Variants in SLC26A2 observed in about 807,000 individuals in gnomAD.
SLC26A2 encodes the protein sulfate transporter.
SLC26A2 carries 36 observed loss-of-function variants against 41.1 expected under a neutral mutation model. The ratio of observed to expected loss-of-function variants is 0.88; its 90% CI spans 0.67 to 1.16. SLC26A2 has a LOEUF of 1.16. Ranked by LOEUF, SLC26A2 falls within the 50% of genes most tolerant of loss-of-function variation. SLC26A2 has a pLI of 0.00. For missense variants in SLC26A2, 796 were observed against 869.6 expected (o/e 0.92, Z 1.07); for synonymous variants, 291 against 311.6 (o/e 0.93, Z 0.70).
Position 149,980,471 on chromosome 5 carries a change from T to C in SLC26A2, c.878T>C (p.Val293Ala), listed in dbSNP as rs1755075752. 1.2e-6 allele frequency: 2 copies of C among 1,614,038 alleles called. No homozygotes were observed. Among genetic ancestry groups the C allele is most frequent in the Non-Finnish European group, 1.7e-6 (2 of 1,180,030 alleles). ...VGSLITTWIH[V>A]FRNIHKTNLC... Reference sequence around the variant, plus strand: ...TCACTCATCACTACCTGGATACATGTCTTCAGAAACATCCATAAGACCAAT... The same window carrying C: ...TCACTCATCACTACCTGGATACATGCCTTCAGAAACATCCATAAGACCAAT... The change falls in exon 3 of 3, where the codon GTC (valine) becomes GCC (alanine). Residue 293 changes from valine to alanine, a missense_variant. Physicochemically the swap from Val to Ala is moderately conservative, Grantham distance 64. Transcript: ENST00000286298.
chr5:149,974,269 G>C (rs1167967970), intron 1 of SLC26A2, among the ~76,000 whole-genome samples: 1 of 151,962 alleles, frequency 6.6e-6, no homozygotes, highest in African/African-American at 2.4e-5. Flanking sequence ...AGTAATATAT[G>C]TTTTTTCTTT....
In SLC26A2 at chr5:149,982,001, C is replaced by A; in HGVS notation, c.*188C>A. Reference sequence around the variant, plus strand: ...AGCAGAGCTTGTAGCTGGACAGAGTCAAAAAGAAGAAAATACGGTTTCAGG... The same window carrying A: ...AGCAGAGCTTGTAGCTGGACAGAGTAAAAAAGAAGAAAATACGGTTTCAGG... On this transcript the variant is annotated 3_prime_UTR_variant, in exon 3 of 3. Coordinates refer to ENST00000286298, the MANE Select transcript of SLC26A2 (RefSeq NM_000112.4). 1.7e-6 allele frequency: 1 copy of A among 584,902 alleles called. No individual in the cohort carries two copies. The highest frequency in any genetic ancestry group is 2.2e-5 in the South Asian group (1 of 45,750). 36.2% of individuals were successfully genotyped at this position (584,902 alleles called of 1,614,324 possible).
At position 149,984,762 on chromosome 5, in the gene SLC26A2, T is replaced by C. The variant is rs1755166565; in HGVS notation, c.*2949T>C. 6.6e-6 allele frequency: 1 copy of C among 152,270 alleles called. No individual in the cohort carries two copies. The highest frequency in any genetic ancestry group is 1.9e-4 in the East Asian group (1 of 5,206). 9.4% of individuals were successfully genotyped at this position (152,270 alleles called of 1,614,324 possible). On this transcript the variant is annotated 3_prime_UTR_variant, in exon 3 of 3. Transcript: ENST00000286298. ...TAAACACTATATTGATACAAAAATATCTTGCTTACTCTAAACTTTAGAGTC... is the reference window on the plus strand; with the variant it reads ...TAAACACTATATTGATACAAAAATACCTTGCTTACTCTAAACTTTAGAGTC...
At chr5:149,978,417 C>T (rs966754925) in intron 2 of SLC26A2, 66 bp downstream of exon 2, 38 of 1,200,434 alleles carry the variant, frequency 3.2e-5, no homozygotes, top group Non-Finnish European at 4.4e-5. Flanking sequence ...TCTCATATCT[C>T]TAAGGGATCT....
In SLC26A2 at chr5:149,977,827, CAA is replaced by C; in HGVS notation, c.176_177del (p.Gln59ArgfsTer13). Reference sequence around the variant, plus strand: ...TTATCATAGGATCCTTATTGAGCGTCAAGAGAAATCAGATACAAACTTCAAGG... The same window carrying C: ...TTATCATAGGATCCTTATTGAGCGTCGAGAAATCAGATACAAACTTCAAGG... The part of the protein sequence containing the change: ...RPYHRILIER[Q>X]EKSDTNFKEF... On this transcript the variant is annotated frameshift_variant, in exon 2 of 3. Transcript: ENST00000286298. LOFTEE classifies it high-confidence loss of function. The C allele has an allele frequency of 6.2e-7, 1 of 1,614,118 alleles. No homozygotes were observed.
intron 1 of SLC26A2, among the ~76,000 whole-genome samples, chr5:149,961,333 A>G (rs749871984): frequency 1.6e-4 from 24 of 152,362 alleles, no homozygotes; most frequent in East Asian, 3.9e-4. Flanking sequence ...TCGAGGAGAT[A>G]GGAGCCACCA....
At position 149,980,383 on chromosome 5, in the gene SLC26A2, A is replaced by G. The variant is rs754511601; in HGVS notation, c.790A>G (p.Ile264Val). 23 of 1,613,994 alleles carry G rather than the reference A, an allele frequency of 1.4e-5. No homozygotes were observed. Among genetic ancestry groups the G allele is most frequent in the Non-Finnish European group, 1.9e-5 (22 of 1,179,966 alleles). The change falls in exon 3 of 3, where the codon ATT becomes GTT. Residue 264 changes from isoleucine to valine, a missense_variant. Physicochemically the swap from Ile to Val is conservative, Grantham distance 29. Coordinates refer to ENST00000286298, the MANE Select transcript of SLC26A2 (RefSeq NM_000112.4). ...SGFVTGASFT[I>V]LTSQAKYLLG... is the part of the protein sequence containing the mutation. ...ATTTGTCACTGGTGCCTCCTTCACT[A>G]TTCTTACATCTCAGGCCAAGTATCT...
intron 1 of SLC26A2, among the ~76,000 whole-genome samples, chr5:149,964,568 G>T (rs1754770117): frequency 6.6e-6 from 1 of 152,074 alleles, no homozygotes; most frequent in Admixed American, 6.6e-5. Context: ...ACGAGGTCAG[G>T]AGCTCGAGAC....
chr5:149,970,143 A>C (rs1754876869), intron 1 of SLC26A2, among the ~76,000 whole-genome samples: 1 of 152,216 alleles, frequency 6.6e-6, no homozygotes, highest in African/African-American at 2.4e-5. Flanking sequence ...ATAAGGATAT[A>C]GGGAATGCTG....
intron 1 of SLC26A2, among the ~76,000 whole-genome samples, chr5:149,964,876 G>T (rs1023861012): frequency 6.6e-6 from 1 of 152,154 alleles, no homozygotes; most frequent in African/African-American, 2.4e-5. Flanking sequence ...TTTTCTGCAA[G>T]TCCACAGTTA....
chr5:149,962,629 GTGCCC>G (rs1754732017), intron 1 of SLC26A2, among the ~76,000 whole-genome samples: 1 of 152,138 alleles, frequency 6.6e-6, no homozygotes, highest in African/African-American at 2.4e-5. Context: ...ATGAGCCACT[GTGCCC>G]TGCCCACACT....
At position 149,981,940 on chromosome 5, in the gene SLC26A2, C is replaced by T. The variant is rs1167891312; in HGVS notation, c.*127C>T. On this transcript the variant is annotated 3_prime_UTR_variant, in exon 3 of 3. Transcript: ENST00000286298. ...AACCAAGTGGCTAGATATTATTCCT[C>T]CTTTGAAGCTAATGGCATTTGTATA... is the stretch of plus-strand genomic sequence containing the variant. The T allele has an allele frequency of 3.0e-6, 2 of 665,644 alleles. No homozygotes were observed. The highest frequency in any genetic ancestry group is 1.9e-5 in the South Asian group (1 of 53,640). The allele number at this position is 665,644 out of a possible 1,614,324, so 41.2% of individuals were successfully genotyped here.
At chr5:149,968,654 TTG>T (rs950891301) in intron 1 of SLC26A2, among the ~76,000 whole-genome samples, 1 of 151,228 alleles carries the variant, frequency 6.6e-6, no homozygotes. Flanking sequence ...TCTCCTGACC[TTG>T]TGATCCGCCT....
At chr5:149,973,674 A>G (rs1275537925) in intron 1 of SLC26A2, among the ~76,000 whole-genome samples, 4 of 151,968 alleles carry the variant, frequency 2.6e-5, no homozygotes, top group Admixed American at 6.6e-5. Context: ...TCTCCCTGTC[A>G]CCCAGGCTAA....
intron 1 of SLC26A2, among the ~76,000 whole-genome samples, chr5:149,976,400 AT>A (rs564350695): frequency 2.6e-5 from 4 of 152,134 alleles, no homozygotes; most frequent in Non-Finnish European, 4.4e-5. Flanking sequence ...AGGGTGTAGT[AT>A]TTCATTTGGG....
Position 149,966,719 on chromosome 5 carries a change from G to C in SLC26A2, c.-26+5740G>C, listed in dbSNP as rs144775215. On this transcript the variant is annotated intron_variant, in intron 1 of 2. Transcript: ENST00000286298. ...ATCATGTTGGTGCTCAAAAGTTTCA[G>C]ATTTTGGTGCATTTTTGATTTTGGA... Among the ~76,000 whole-genome samples, 10 of 152,172 alleles carry C rather than the reference G, an allele frequency of 6.6e-5. No homozygotes were observed. In the East Asian group the frequency reaches 1.7e-3, roughly 26 times the overall value.
chr5:149,982,238 G>T lies in SLC26A2; in HGVS notation c.*425G>T, dbSNP rs1051142063. 1 of 166,008 alleles carries T rather than the reference G, an allele frequency of 6.0e-6. No individual in the cohort carries two copies. Among genetic ancestry groups the T allele is most frequent in the African/African-American group, 2.4e-5 (1 of 41,590 alleles). 10.3% of individuals were successfully genotyped at this position (166,008 alleles called of 1,614,324 possible). A position where few individuals can be genotyped will look rare whatever the true frequency, so the allele number is the denominator to read the frequency against. ...TCAGTGGAGAGAGGGAAAGAATGTT[G>T]CACCTGCTCTAGTACCATAGGTCAA... is the stretch of plus-strand genomic sequence containing the variant. On this transcript the variant is annotated 3_prime_UTR_variant, in exon 3 of 3. Coordinates refer to ENST00000286298, the MANE Select transcript of SLC26A2 (RefSeq NM_000112.4).
chr5:149,965,926 G>A (rs977279714), intron 1 of SLC26A2, among the ~76,000 whole-genome samples: 2 of 151,998 alleles, frequency 1.3e-5, no homozygotes, highest in African/African-American at 4.8e-5. Flanking sequence ...TATTTTTTGA[G>A]ACAGAGTCTT....
chr5:149,971,484 C>T (rs1754904439), intron 1 of SLC26A2, among the ~76,000 whole-genome samples: 1 of 152,210 alleles, frequency 6.6e-6, no homozygotes, highest in Admixed American at 6.5e-5. Context: ...ACTTCAGCCT[C>T]CACCTCCCAG....
Sources: allele counts gnomAD v4.1 joint callset (sites outside exome capture counted in the v4.1 genomes callset), GRCh38; gene constraint gnomAD v4.1.1; transcripts MANE v1.5; gene names NCBI Gene and HGNC (gene_info 2026-07-23, HGNC 2026-07-21).